Variants in SEMA5A observed in about 807,000 individuals in gnomAD.
SEMA5A encodes semaphorin 5A, also known as semaphorin-5A.
A neutral mutation model predicts 135.5 loss-of-function variants in SEMA5A; 55 were observed. That is an observed-to-expected ratio of 0.41 (90% CI 0.33 to 0.51). SEMA5A has a LOEUF of 0.51. SEMA5A is among the 20% of genes least tolerant of loss of function. The probability of loss-of-function intolerance (pLI) is 0.37; values close to 1 mark genes in which losing one functional copy is unlikely to be tolerated. For missense variants in SEMA5A, 1,290 were observed against 1,419.9 expected, an observed-to-expected ratio of 0.91 and a Z score of 1.47; for synonymous variants, 580 against 546.5, an observed-to-expected ratio of 1.06 and a Z score of -0.85.
At chr5:9,128,855 G>A (rs537214340) in intron 13 of SEMA5A, among the ~76,000 whole-genome samples, 2 of 152,048 alleles carry the variant, frequency 1.3e-5, no homozygotes, top group Non-Finnish European at 2.9e-5. Flanking sequence ...TTTGCTGTAG[G>A]GGCTGCCATG....
intron 1 of SEMA5A, among the ~76,000 whole-genome samples, chr5:9,471,180 T>C (rs1759464025): frequency 6.6e-6 from 1 of 152,138 alleles, no homozygotes; most frequent in Admixed American, 6.5e-5. Context: ...TTCACATCCG[T>C]ATATCACACA....
At chr5:9,308,311 T>C (rs890468338) in intron 5 of SEMA5A, among the ~76,000 whole-genome samples, 1 of 152,144 alleles carries the variant, frequency 6.6e-6, no homozygotes, top group African/African-American at 2.4e-5. Flanking sequence ...CAGGAAGTTA[T>C]GTCACCAAAC....
intron 2 of SEMA5A, 195 bp from the exon 3 acceptor site, chr5:9,380,218 G>A: frequency 2.5e-6 from 1 of 401,010 alleles, no homozygotes; most frequent in Non-Finnish European, 4.5e-6. Context: ...GTGAGTGCGT[G>A]TATCTCAATA....
chr5:9,116,236 A>G (rs1274411198), intron 15 of SEMA5A, among the ~76,000 whole-genome samples: 1 of 152,186 alleles, frequency 6.6e-6, no homozygotes, highest in East Asian at 1.9e-4. Context: ...AAATTTCAAA[A>G]AGAAACGTGT....
chr5:9,353,393 G>GAAAGGA (rs1458621270), intron 3 of SEMA5A, among the ~76,000 whole-genome samples: 3 of 103,568 alleles, frequency 2.9e-5, no homozygotes, highest in African/African-American at 3.2e-5. Context: ...GAAAGGAAAG[G>GAAAGGA]AAGGGAAAGA....
chr5:9,219,050 C>T (rs982134330), intron 8 of SEMA5A, among the ~76,000 whole-genome samples: 2 of 152,210 alleles, frequency 1.3e-5, no homozygotes, highest in Non-Finnish European at 2.9e-5. Flanking sequence ...CAGTGATCTG[C>T]AGTATGCAGA....
intron 1 of SEMA5A, among the ~76,000 whole-genome samples, chr5:9,487,530 A>G (rs558702765): frequency 6.6e-6 from 1 of 152,220 alleles, no homozygotes; most frequent in East Asian, 1.9e-4. Context: ...TGAAATGGGG[A>G]GAGGAAGGTT....
chr5:9,443,534 G>A (rs1758317293), intron 1 of SEMA5A, among the ~76,000 whole-genome samples: 1 of 152,128 alleles, frequency 6.6e-6, no homozygotes, highest in Non-Finnish European at 1.5e-5. Flanking sequence ...GAAAACTGAG[G>A]TTTACAACAT....
At chr5:9,442,176 G>T (rs1758261161) in intron 1 of SEMA5A, among the ~76,000 whole-genome samples, 2 of 152,158 alleles carry the variant, frequency 1.3e-5, no homozygotes, top group African/African-American at 2.4e-5. Context: ...ACTTTGTTTT[G>T]GGGGGGCTTT....
intron 5 of SEMA5A, among the ~76,000 whole-genome samples, chr5:9,298,853 G>A (rs10073804): frequency 0.027 from 4,113 of 152,250 alleles, 174 homozygotes; most frequent in African/African-American, 0.088. Context: ...ATACCCCATT[G>A]TTATAAGATT....
intron 2 of SEMA5A, among the ~76,000 whole-genome samples, chr5:9,399,899 A>G (rs1244587088): frequency 6.6e-6 from 1 of 152,144 alleles, no homozygotes; most frequent in East Asian, 1.9e-4. Flanking sequence ...TTAGCTTGAC[A>G]TAGATGGTGA....
Position 9,399,753 on chromosome 5 carries a change from G to A in SEMA5A, c.-77-19730C>T, listed in dbSNP as rs535025161. Among the ~76,000 whole-genome samples the A allele has an allele frequency of 4.6e-5, 7 of 152,226 alleles. No homozygotes were observed. In the South Asian group the frequency reaches 1.5e-3, roughly 32 times the overall value. On this transcript the variant is annotated intron_variant, in intron 2 of 22. Coordinates refer to ENST00000382496, the MANE Select transcript of SEMA5A (RefSeq NM_003966.3). The stretch of plus-strand genomic sequence containing the variant: ...AGGGTGTGGCTGATGACGGAAAGGG[G>A]CCTTGAGGGGAACTTCTCAGTCTTG...
chr5:9,096,673 GA>G (rs1033016028), intron 16 of SEMA5A, among the ~76,000 whole-genome samples: 5 of 151,516 alleles, frequency 3.3e-5, no homozygotes, highest in Admixed American at 3.3e-4. Context: ...TACATGTTGG[GA>G]AAAATATTTG....
At chr5:9,207,010 C>T (rs1276974717) in intron 8 of SEMA5A, among the ~76,000 whole-genome samples, 2 of 145,540 alleles carry the variant, frequency 1.4e-5, no homozygotes, top group African/African-American at 2.5e-5. Context: ...CTTTTGACTG[C>T]AAAATAGTAG....
intron 18 of SEMA5A, among the ~76,000 whole-genome samples, chr5:9,054,640 G>T (rs1736789142): frequency 6.6e-6 from 1 of 152,202 alleles, no homozygotes. Context: ...GGTTATTGAT[G>T]TAAAGCCCCA....
At chr5:9,183,410 G>A (rs1302031003) in intron 11 of SEMA5A, among the ~76,000 whole-genome samples, 1 of 152,136 alleles carries the variant, frequency 6.6e-6, no homozygotes, top group Non-Finnish European at 1.5e-5. Context: ...ACCTGCTTGA[G>A]AAGCCATATC....
intron 5 of SEMA5A, among the ~76,000 whole-genome samples, chr5:9,251,096 G>T (rs999334679): frequency 6.6e-6 from 1 of 152,146 alleles, no homozygotes; most frequent in Non-Finnish European, 1.5e-5. Flanking sequence ...TATAACTGGA[G>T]TGGGTTTCTG....
rs148505173 is a variant in SEMA5A at position 9,317,690 on chromosome 5, G to A, written c.270+682C>T. On this transcript the variant is annotated intron_variant, in intron 5 of 22. Coordinates refer to ENST00000382496, the MANE Select transcript of SEMA5A (RefSeq NM_003966.3). Reference sequence around the variant, plus strand: ...ACTTTTTCCAAACTCTACACAGCCCGAAGATTCTGGCATAGTCTGTAGGGA... The same window carrying A: ...ACTTTTTCCAAACTCTACACAGCCCAAAGATTCTGGCATAGTCTGTAGGGA... Among the ~76,000 whole-genome samples, 451 of 152,260 alleles carry A rather than the reference G, an allele frequency of 3.0e-3. 1 individual carries two copies. Among genetic ancestry groups the A allele is most frequent in the African/African-American group, 0.01 (422 of 41,552 alleles).
chr5:9,311,633 A>G (rs1044956124), intron 5 of SEMA5A, among the ~76,000 whole-genome samples: 1 of 151,826 alleles, frequency 6.6e-6, no homozygotes, highest in African/African-American at 2.4e-5. Context: ...TAGGAGATAT[A>G]CCTAAAGCTA....
Sources: gnomAD v4.1 joint callset for allele counts (sites outside exome capture counted in the v4.1 genomes callset) on GRCh38, gnomAD v4.1.1 for gene constraint, MANE v1.5 for transcripts, NCBI Gene and HGNC (gene_info 2026-07-23, HGNC 2026-07-21) for gene names.